Variants in UST observed in about 807,000 individuals in gnomAD.
UST encodes chondroitin sulfate 2-O-sulfotransferase.
In UST, 21 loss-of-function variants were observed where a neutral mutation model predicts 45.6. The ratio of observed to expected loss-of-function variants is 0.46; its 90% CI spans 0.33 to 0.66. The LOEUF (loss-of-function observed/expected upper bound fraction) is 0.66, where lower values mean the gene tolerates loss of function less well. Among genes scored for constraint, UST ranks in the 30% least tolerant of loss-of-function variants. The pLI, the probability that UST is intolerant of heterozygous loss-of-function variation, is 0.02. For synonymous variants in UST, 215 were observed against 200.6 expected, an observed-to-expected ratio of 1.07 and a Z score of -0.61; for missense variants, 463 against 512.4, an observed-to-expected ratio of 0.90 and a Z score of 0.93.
chr6:148,919,836 T>C (rs1282765655), intron 2 of UST, among the ~76,000 whole-genome samples: 2 of 152,234 alleles, frequency 1.3e-5, no homozygotes, highest in Non-Finnish European at 2.9e-5. Flanking sequence ...TTCTGACTAC[T>C]GTCATCCATT....
chr6:148,991,751 G>C (rs1781357944), intron 5 of UST, among the ~76,000 whole-genome samples: 1 of 151,882 alleles, frequency 6.6e-6, no homozygotes, highest in African/African-American at 2.4e-5. Context: ...TCACAACTTT[G>C]TAGTATTTTG....
chr6:148,954,544 A>G (rs763629950), intron 4 of UST, among the ~76,000 whole-genome samples: 1 of 152,210 alleles, frequency 6.6e-6, no homozygotes, highest in Non-Finnish European at 1.5e-5. Flanking sequence ...AGTATTCAGT[A>G]TAGTCACATG....
At chr6:148,873,460 G>T (rs1451470567) in intron 1 of UST, among the ~76,000 whole-genome samples, 3 of 152,170 alleles carry the variant, frequency 2.0e-5, no homozygotes, top group African/African-American at 4.8e-5. Context: ...TCTGCCTGAA[G>T]TACACATCTA....
intron 1 of UST, among the ~76,000 whole-genome samples, chr6:148,826,066 C>T (rs1777562362): frequency 6.6e-6 from 1 of 152,124 alleles, no homozygotes; most frequent in Non-Finnish European, 1.5e-5. Flanking sequence ...GAGACAAGAG[C>T]ATGAATTTGA....
At chr6:149,012,976 A>G (rs777919911) in intron 5 of UST, among the ~76,000 whole-genome samples, 3 of 152,176 alleles carry the variant, frequency 2.0e-5, no homozygotes, top group African/African-American at 4.8e-5. Flanking sequence ...CAAAGGGTCT[A>G]TGAGGCAAGT....
rs1359259233 is a variant in UST, at chr6:148,766,334, ACTCTCACCCACTCACCCACTTG to A, written c.247+18691_247+18712del. On this transcript the variant is annotated intron_variant, in intron 1 of 7. Coordinates refer to ENST00000367463, the MANE Select transcript of UST (RefSeq NM_005715.3). ...GATCAGAGACACATGTTCTCCTATC[ACTCTCACCCACTCACCCACTTG>A]CTCTCACCCACTCACCCACTTGCTC... 6.0e-3 allele frequency among the ~76,000 whole-genome samples: 906 copies of A among 151,470 alleles called. 11 individuals carry two copies. Among genetic ancestry groups the A allele is most frequent in the African/African-American group, 0.018 (753 of 41,232 alleles).
intron 6 of UST, 64 bp downstream of exon 6, chr6:149,019,300 C>T (rs1029912205): frequency 1.6e-6 from 2 of 1,252,146 alleles, no homozygotes; most frequent in African/African-American, 3.0e-5. Context: ...CCCCACCAGC[C>T]TGGTACTCGG....
At chr6:148,865,415 G>T (rs1390352599) in intron 1 of UST, among the ~76,000 whole-genome samples, 3 of 152,192 alleles carry the variant, frequency 2.0e-5, no homozygotes, top group Admixed American at 2.0e-4. Flanking sequence ...TTTCAGTGTG[G>T]TGTCCAATTT....
intron 7 of UST, among the ~76,000 whole-genome samples, chr6:149,053,803 G>A (rs948555461): frequency 6.6e-6 from 1 of 152,230 alleles, no homozygotes; most frequent in African/African-American, 2.4e-5. Context: ...TGGTTGAAAA[G>A]CCTTCAAAGC....
intron 2 of UST, among the ~76,000 whole-genome samples, chr6:148,912,018 G>A (rs1259860752): frequency 6.6e-6 from 1 of 152,128 alleles, no homozygotes; most frequent in African/African-American, 2.4e-5. Context: ...TCAACATGGT[G>A]AAACCCTGTC....
intron 5 of UST, among the ~76,000 whole-genome samples, chr6:149,001,495 T>C (rs577877465): frequency 6.6e-6 from 1 of 152,372 alleles, no homozygotes; most frequent in South Asian, 2.1e-4. Flanking sequence ...GCAAAGCAGA[T>C]GACCAATGAA....
At chr6:148,763,045 TA>T (rs764325787) in intron 1 of UST, among the ~76,000 whole-genome samples, 2 of 152,170 alleles carry the variant, frequency 1.3e-5, no homozygotes, top group Non-Finnish European at 2.9e-5. Flanking sequence ...GGTCGAATGG[TA>T]GTTCGATTTT....
intron 7 of UST, among the ~76,000 whole-genome samples, chr6:149,044,405 TC>T (rs2115033063): frequency 6.6e-6 from 1 of 152,342 alleles, no homozygotes; most frequent in Non-Finnish European, 1.5e-5. Flanking sequence ...GGTTAAAGTC[TC>T]CCATTTCCCC....
At chr6:148,925,980 G>A (rs888298315) in intron 2 of UST, among the ~76,000 whole-genome samples, 1 of 152,208 alleles carries the variant, frequency 6.6e-6, no homozygotes, top group Non-Finnish European at 1.5e-5. Context: ...TCCTTTGACA[G>A]CTTGTGAGTA....
intron 4 of UST, among the ~76,000 whole-genome samples, chr6:148,959,612 T>C (rs1780606046): frequency 6.6e-6 from 1 of 152,230 alleles, no homozygotes; most frequent in African/African-American, 2.4e-5. Flanking sequence ...TGTTGGCCCA[T>C]CAGGGATGAG....
At chr6:148,856,135 G>A (rs1035181922) in intron 1 of UST, among the ~76,000 whole-genome samples, 1 of 152,102 alleles carries the variant, frequency 6.6e-6, no homozygotes, top group Non-Finnish European at 1.5e-5. Flanking sequence ...TCCCACCTCA[G>A]CCTCCCAAGT....
At chr6:148,845,325 A>G (rs555382547) in intron 1 of UST, among the ~76,000 whole-genome samples, 4 of 152,288 alleles carry the variant, frequency 2.6e-5, no homozygotes, top group South Asian at 2.1e-4. Context: ...ACTTCATAGA[A>G]ATTGAACTCT....
chr6:148,777,737 G>A (rs1213855691), intron 1 of UST, among the ~76,000 whole-genome samples: 3 of 152,084 alleles, frequency 2.0e-5, no homozygotes, highest in African/African-American at 7.2e-5. Context: ...AATAGAGATG[G>A]GGTTTCACCA....
At chr6:148,771,001 T>C (rs1776415179) in intron 1 of UST, among the ~76,000 whole-genome samples, 2 of 152,184 alleles carry the variant, frequency 1.3e-5, no homozygotes, top group South Asian at 2.1e-4. Flanking sequence ...CAGGTATTGA[T>C]TTAGTAGAAC....
Sources: allele counts gnomAD v4.1 joint callset (sites outside exome capture counted in the v4.1 genomes callset), GRCh38; gene constraint gnomAD v4.1.1; transcripts MANE v1.5; gene names NCBI Gene and HGNC (gene_info 2026-07-23, HGNC 2026-07-21).